MAP2K4: variants seen among roughly 807,000 people sequenced by gnomAD.
MAP2K4 encodes mitogen-activated protein kinase kinase 4.
A neutral mutation model predicts 48.5 loss-of-function variants in MAP2K4; 4 were observed. The ratio of observed to expected loss-of-function variants is 0.08; its 90% confidence interval spans 0.04 to 0.19. The LOEUF (loss-of-function observed/expected upper bound fraction) is 0.19, where lower values mean the gene tolerates loss of function less well. Ranked by LOEUF, MAP2K4 falls within the 10% of genes least tolerant of loss-of-function variation. The pLI, the probability that MAP2K4 is intolerant of heterozygous loss-of-function variation, is 1.00. For synonymous variants in MAP2K4, 166 were observed against 173.1 expected (o/e 0.96, Z 0.32); for missense variants, 258 against 493.3 (o/e 0.52, Z 4.52).
intron 1 of MAP2K4, chr17:12,032,275 T>C: frequency 7.0e-7 from 1 of 1,420,644 alleles, no homozygotes; most frequent in South Asian, 1.5e-5. Context: ...GGCTTTCAGA[T>C]AAACTTCTGT....
At chr17:12,067,419 C>T (rs1970651164) in intron 2 of MAP2K4, among the ~76,000 whole-genome samples, 2 of 151,952 alleles carry the variant, frequency 1.3e-5, no homozygotes, top group East Asian at 1.9e-4. Flanking sequence ...TGTGGGAGGC[C>T]GTCGTCCTGT....
At chr17:12,029,751 T>TC (rs1485867598) in intron 1 of MAP2K4, among the ~76,000 whole-genome samples, 4 of 151,808 alleles carry the variant, frequency 2.6e-5, no homozygotes, top group East Asian at 1.9e-4. Flanking sequence ...ATGTTGGGAC[T>TC]CCATCTCTAC....
At chr17:12,132,865 A>G (rs1034282179) in intron 9 of MAP2K4, among the ~76,000 whole-genome samples, 2 of 152,112 alleles carry the variant, frequency 1.3e-5, no homozygotes. Context: ...GATAATTTGG[A>G]CCATATTAGC....
intron 2 of MAP2K4, among the ~76,000 whole-genome samples, chr17:12,077,091 A>G (rs771319061): frequency 2.0e-5 from 3 of 152,210 alleles, no homozygotes; most frequent in Non-Finnish European, 4.4e-5. Flanking sequence ...GAGAACGGAA[A>G]CATCTTAGGT....
intron 2 of MAP2K4, among the ~76,000 whole-genome samples, chr17:12,073,842 G>C (rs1490450151): frequency 1.3e-5 from 2 of 148,340 alleles, no homozygotes; most frequent in Non-Finnish European, 3.0e-5. Flanking sequence ...GCGTGATCTC[G>C]GCTCACTGGG....
intron 2 of MAP2K4, among the ~76,000 whole-genome samples, chr17:12,063,984 C>T (rs905721292): frequency 2.0e-4 from 17 of 84,206 alleles, no homozygotes; most frequent in African/African-American, 6.6e-4. Context: ...GGGCGGGGGG[C>T]GGGGAGGAAA....
Position 12,107,863 on chromosome 17 carries a change from T to C in MAP2K4, c.587T>C (p.Leu196Ser), listed in dbSNP as rs754217305. 2.5e-6 allele frequency: 4 copies of C among 1,603,774 alleles called. No individual in the cohort carries two copies. The Admixed American group carries it at 5.2e-5, about 21-fold the overall frequency. ...TTTTACAAATATGTATATAGTGTAT[T>C]AGATGATGTTATTCCAGAAGAAATT... Reference protein sequence around the residue: ...DKFYKYVYSVLDDVIPEEILG... With the variant: ...DKFYKYVYSVSDDVIPEEILG... The change falls in exon 5 of 11, where the codon TTA (leucine) becomes TCA (serine). Residue 196 changes from leucine to serine, a missense_variant. Physicochemically the swap from Leu to Ser is moderately radical, Grantham distance 145. This residue lies in a region of MAP2K4 where 132 missense variants were observed against 352.8 expected (regional missense o/e 0.37). Transcript: ENST00000353533.
In MAP2K4 at chr17:12,103,769, T is replaced by C. The variant is rs576067769; in HGVS notation, c.514-4021T>C. ...TAAATGGAATCCTATATGCGTTCTT[T>C]ATTGTACATTTTATTCAACATAGTT... On this transcript the variant is annotated intron_variant, in intron 4 of 10. Coordinates refer to ENST00000353533, the MANE Select transcript of MAP2K4 (RefSeq NM_003010.4). Among the ~76,000 whole-genome samples the C allele has an allele frequency of 1.4e-4, 22 of 152,298 alleles. No homozygotes were observed. In the South Asian group the frequency reaches 3.5e-3, roughly 24 times the overall value.
chr17:12,139,036 C>T (rs1244078164), intron 9 of MAP2K4, among the ~76,000 whole-genome samples: 1 of 152,144 alleles, frequency 6.6e-6, no homozygotes, highest in African/African-American at 2.4e-5. Flanking sequence ...ATCTACATAG[C>T]ACATTGCAGT....
intron 1 of MAP2K4, among the ~76,000 whole-genome samples, chr17:12,049,410 G>C (rs1033244674): frequency 6.6e-6 from 1 of 152,218 alleles, no homozygotes; most frequent in African/African-American, 2.4e-5. Context: ...GATTCAGATT[G>C]CTTTTTGATT....
chr17:12,126,937 T>A (rs1387298102), intron 8 of MAP2K4, among the ~76,000 whole-genome samples: 1 of 152,186 alleles, frequency 6.6e-6, no homozygotes, highest in East Asian at 1.9e-4. Context: ...TTTCATTTTC[T>A]CCCATTTTCA....
Position 12,125,312 on chromosome 17 carries a change from A to G in MAP2K4, c.832A>G (p.Ser278Gly). 6.2e-7 allele frequency: 1 copy of G among 1,613,994 alleles called. No individual in the cohort carries two copies. Among genetic ancestry groups the G allele is most frequent in the Non-Finnish European group, 8.5e-7 (1 of 1,179,906 alleles). ...GTTCCAGCCTGAAAGAATAGACCCA[A>G]GCGCATCACGACAAGGATATGATGT... The part of the protein sequence containing the change: ...PYMAPERIDP[S>G]ASRQGYDVRS... The change falls in exon 8 of 11, where the codon AGC becomes GGC. Residue 278 changes from serine to glycine, a missense_variant. Transcript: ENST00000353533.
At chr17:12,108,983 T>C (rs780387110) in intron 5 of MAP2K4, among the ~76,000 whole-genome samples, 6 of 152,094 alleles carry the variant, frequency 3.9e-5, no homozygotes, top group Non-Finnish European at 8.8e-5. Flanking sequence ...TTTGTAATAA[T>C]TATAATAATA....
intron 4 of MAP2K4, 51 bp from the exon 5 acceptor site, chr17:12,107,739 C>G (rs1357847256): frequency 6.8e-7 from 1 of 1,462,986 alleles, no homozygotes; most frequent in African/African-American, 1.5e-5. Flanking sequence ...TAAGTAAAGG[C>G]AAGGTGATAT....
At chr17:12,068,334 CTAAAG>C (rs1970679776) in intron 2 of MAP2K4, among the ~76,000 whole-genome samples, 1 of 152,190 alleles carries the variant, frequency 6.6e-6, no homozygotes, top group African/African-American at 2.4e-5. Flanking sequence ...TATTTACAGT[CTAAAG>C]TAATTATTCT....
chr17:12,131,141 C>G lies in MAP2K4; in HGVS notation c.1040+1854C>G, dbSNP rs544404107. 3.3e-5 allele frequency among the ~76,000 whole-genome samples: 5 copies of G among 151,314 alleles called. No homozygotes were observed. In the East Asian group the frequency reaches 7.7e-4, roughly 23 times the overall value. Reference sequence around the variant, plus strand: ...GAAAAAAATACTGAGAGATACTATTCTATAGAGACTTCCTCTTGTCCTTAA... The same window carrying G: ...GAAAAAAATACTGAGAGATACTATTGTATAGAGACTTCCTCTTGTCCTTAA... On this transcript the variant is annotated intron_variant, in intron 9 of 10. Coordinates refer to ENST00000353533, the MANE Select transcript of MAP2K4 (RefSeq NM_003010.4).
In MAP2K4 at chr17:12,031,533, C is replaced by T. The variant is rs114980892; in HGVS notation, c.115+10532C>T. ...TTGTGAAGGCTTTTGTTTTAATTGG[C>T]TTACTTTACTGGATGCATCTTATCA... On this transcript the variant is annotated intron_variant, in intron 1 of 10. Transcript: ENST00000353533. Among the ~76,000 whole-genome samples the T allele has an allele frequency of 1.8e-3, 280 of 152,232 alleles. 1 individual carries two copies. Among genetic ancestry groups the T allele is most frequent in the African/African-American group, 6.6e-3 (276 of 41,538 alleles).
At chr17:12,118,153 G>T (rs1416247935) in intron 7 of MAP2K4, among the ~76,000 whole-genome samples, 1 of 152,206 alleles carries the variant, frequency 6.6e-6, no homozygotes, top group Non-Finnish European at 1.5e-5. Context: ...AAGCAGTGGA[G>T]AAATTCATTG....
At chr17:12,127,493 T>G (rs1004688237) in intron 8 of MAP2K4, among the ~76,000 whole-genome samples, 31 of 152,234 alleles carry the variant, frequency 2.0e-4, no homozygotes, top group African/African-American at 6.3e-4. Flanking sequence ...TAACAGAAAA[T>G]TTTTTAGCAA....
Sources: gnomAD v4.1 joint callset for allele counts (sites outside exome capture counted in the v4.1 genomes callset) on GRCh38, gnomAD v4.1.1 for gene constraint, gnomAD v4.1.1 regional missense constraint, MANE v1.5 for transcripts, NCBI Gene and HGNC (gene_info 2026-07-23, HGNC 2026-07-21) for gene names.